GPC6: variants seen among roughly 807,000 people sequenced by gnomAD.
The protein encoded by GPC6 is glypican 6.
A neutral mutation model predicts 55.2 loss-of-function variants in GPC6; 14 were observed. The observed-to-expected ratio is 0.25, with a 90% CI of 0.17 to 0.40. The LOEUF (loss-of-function observed/expected upper bound fraction) is 0.40, where lower values mean the gene tolerates loss of function less well. Ranked by LOEUF, GPC6 falls within the 10% of genes least tolerant of loss-of-function variation. The pLI is 1.00. For synonymous variants in GPC6, 278 were observed against 259.6 expected, an observed-to-expected ratio of 1.07 and a Z score of -0.68; for missense variants, 641 against 708.5, an observed-to-expected ratio of 0.90 and a Z score of 1.08.
At chr13:94,163,118 C>A in intron 4 of GPC6, among the ~76,000 whole-genome samples, 1 of 152,160 alleles carries the variant, frequency 6.6e-6, no homozygotes, top group Non-Finnish European at 1.5e-5. Flanking sequence ...ACTAAAGCTA[C>A]TGTATATAAA....
intron 1 of GPC6, among the ~76,000 whole-genome samples, chr13:93,476,326 A>G (rs2139335411): frequency 6.6e-6 from 1 of 152,134 alleles, no homozygotes; most frequent in Middle Eastern, 3.4e-3. Flanking sequence ...GCGCGCAACT[A>G]AATAATATAA....
At chr13:94,317,542 T>C (rs11841652) in intron 6 of GPC6, among the ~76,000 whole-genome samples, 48,770 of 152,068 alleles carry the variant, frequency 0.32, 8,584 homozygotes, top group Non-Finnish European at 0.39. Flanking sequence ...CAAAAATGTT[T>C]CCAGTTACTC....
chr13:93,247,923 G>A (rs975212022), intron 1 of GPC6, among the ~76,000 whole-genome samples: 1 of 152,124 alleles, frequency 6.6e-6, no homozygotes, highest in Non-Finnish European at 1.5e-5. Context: ...GTTAAAACAA[G>A]TTAGGTGCAT....
At chr13:93,929,698 A>C (rs1878054989) in intron 3 of GPC6, among the ~76,000 whole-genome samples, 1 of 152,148 alleles carries the variant, frequency 6.6e-6, no homozygotes, top group Non-Finnish European at 1.5e-5. Flanking sequence ...AATGTAGGCC[A>C]TATACATAAT....
intron 4 of GPC6, among the ~76,000 whole-genome samples, chr13:94,105,587 G>A (rs895015503): frequency 2.4e-4 from 37 of 152,298 alleles, no homozygotes; most frequent in Non-Finnish European, 4.4e-5. Context: ...AAATGGACAG[G>A]CTGAAGGAAG....
At chr13:93,268,847 T>C (rs1877413027) in intron 1 of GPC6, among the ~76,000 whole-genome samples, 1 of 152,142 alleles carries the variant, frequency 6.6e-6, no homozygotes, top group African/African-American at 2.4e-5. Context: ...GACCCACTTC[T>C]ATGCTCTCTT....
At chr13:93,393,630 TTC>T (rs386380249) in intron 1 of GPC6, among the ~76,000 whole-genome samples, 15 of 65,928 alleles carry the variant, frequency 2.3e-4, no homozygotes, top group East Asian at 8.5e-4. Flanking sequence ...CTTAGACCTG[TTC>T]TCTCTCTCTC....
intron 1 of GPC6, among the ~76,000 whole-genome samples, chr13:93,309,278 T>C (rs1353523354): frequency 6.7e-6 from 1 of 149,072 alleles, no homozygotes; most frequent in Non-Finnish European, 1.5e-5. Flanking sequence ...GGTAAGTCTT[T>C]ATTTTTGTGA....
chr13:93,401,625 G>A (rs183670635), intron 1 of GPC6, among the ~76,000 whole-genome samples: 1 of 149,796 alleles, frequency 6.7e-6, no homozygotes, highest in East Asian at 2.0e-4. Context: ...TATTGCCAAT[G>A]CGGTAAAGAG....
intron 4 of GPC6, among the ~76,000 whole-genome samples, chr13:94,237,998 G>C (rs932007990): frequency 6.6e-6 from 1 of 152,162 alleles, no homozygotes; most frequent in East Asian, 1.9e-4. Flanking sequence ...ACAGATGCAG[G>C]ATAGTTTTTG....
At chr13:93,659,934 A>G (rs774299248) in intron 2 of GPC6, among the ~76,000 whole-genome samples, 10 of 152,086 alleles carry the variant, frequency 6.6e-5, no homozygotes, top group Non-Finnish European at 1.3e-4. Flanking sequence ...ATATTTAACA[A>G]TGTAGATTAA....
intron 2 of GPC6, among the ~76,000 whole-genome samples, chr13:93,822,701 G>T: frequency 6.6e-6 from 1 of 151,436 alleles, no homozygotes; most frequent in East Asian, 1.9e-4. Flanking sequence ...GCAGTGTTTG[G>T]TTTTCTGCTC....
intron 1 of GPC6, among the ~76,000 whole-genome samples, chr13:93,327,608 A>G (rs1271899267): frequency 2.0e-5 from 3 of 152,190 alleles, no homozygotes; most frequent in Non-Finnish European, 4.4e-5. Flanking sequence ...GATCCTGGCT[A>G]GTTTAGGAAA....
At chr13:93,508,330 A>T (rs1450028317) in intron 1 of GPC6, among the ~76,000 whole-genome samples, 2 of 152,196 alleles carry the variant, frequency 1.3e-5, no homozygotes, top group African/African-American at 4.8e-5. Flanking sequence ...CAAGTCACCA[A>T]CTGTCTGGGA....
intron 1 of GPC6, among the ~76,000 whole-genome samples, chr13:93,350,365 C>T (rs1225802831): frequency 2.0e-5 from 3 of 152,042 alleles, no homozygotes; most frequent in African/African-American, 2.4e-5. Context: ...ACCCAGGAGG[C>T]GGAGGTTGCA....
intron 1 of GPC6, among the ~76,000 whole-genome samples, chr13:93,247,520 A>T (rs1297344791): frequency 6.6e-6 from 1 of 152,174 alleles, no homozygotes; most frequent in Non-Finnish European, 1.5e-5. Flanking sequence ...TACTCATTTC[A>T]TGATATGGTA....
Position 93,732,679 on chromosome 13 carries a change from C to G in GPC6, c.320-97475C>G, listed in dbSNP as rs530405404. ...AATAAATGTATTTTAAGAAATTGCT[C>G]TCTTTGGTATCATTTATTATAGACT... On this transcript the variant is annotated intron_variant, in intron 2 of 8. Transcript: ENST00000377047. Among the ~76,000 whole-genome samples, 54 of 152,150 alleles carry G rather than the reference C, an allele frequency of 3.5e-4. No homozygotes were observed. In the South Asian group the frequency reaches 0.011, roughly 32 times the overall value.
At chr13:94,327,995 A>C (rs1877213497) in intron 6 of GPC6, among the ~76,000 whole-genome samples, 2 of 152,148 alleles carry the variant, frequency 1.3e-5, no homozygotes, top group South Asian at 4.1e-4. Context: ...TGGGAGAAAA[A>C]ATAGGAAAGG....
intron 5 of GPC6, among the ~76,000 whole-genome samples, chr13:94,302,051 C>A (rs1356859983): frequency 6.6e-6 from 1 of 152,224 alleles, no homozygotes; most frequent in Non-Finnish European, 1.5e-5. Flanking sequence ...TTGAGACGGT[C>A]CAAATTTTCT....
Sources: gnomAD v4.1 joint callset for allele counts (sites outside exome capture counted in the v4.1 genomes callset) on GRCh38, gnomAD v4.1.1 for gene constraint, MANE v1.5 for transcripts, NCBI Gene and HGNC (gene_info 2026-07-23, HGNC 2026-07-21) for gene names.